The following EDIL3 variants were observed in gnomAD, a reference collection of about 807,000 sequenced individuals.
The protein encoded by EDIL3 is EGF-like repeat and discoidin I-like domain-containing protein 3.
Under a neutral mutation model 67.4 loss-of-function variants are expected in EDIL3, and 37 were observed. The ratio of observed to expected loss-of-function variants is 0.55; its 90% confidence interval spans 0.42 to 0.72. The LOEUF (loss-of-function observed/expected upper bound fraction) is 0.72. EDIL3 is among the 30% of genes least tolerant of loss of function. The pLI is 0.00. For missense variants in EDIL3, 527 were observed against 586.3 expected (o/e 0.90, Z 1.04); for synonymous variants, 195 against 196.3 (o/e 0.99, Z 0.05).
chr5:84,326,762 C>T (rs1263602091), intron 1 of EDIL3, among the ~76,000 whole-genome samples: 1 of 151,928 alleles, frequency 6.6e-6, no homozygotes, highest in African/African-American at 2.4e-5. Context: ...TTTCTATACA[C>T]TATTTCAGCT....
chr5:83,979,778 A>C (rs1312458220), intron 9 of EDIL3, among the ~76,000 whole-genome samples: 1 of 152,068 alleles, frequency 6.6e-6, no homozygotes, highest in Admixed American at 6.6e-5. Flanking sequence ...CCTGGAATGA[A>C]GGCTAGGGTG....
chr5:84,124,973 A>G (rs1747840773), intron 5 of EDIL3, among the ~76,000 whole-genome samples: 1 of 152,022 alleles, frequency 6.6e-6, no homozygotes, highest in Non-Finnish European at 1.5e-5. Context: ...CAATCCCTTG[A>G]ACTACTTATT....
intron 6 of EDIL3, among the ~76,000 whole-genome samples, chr5:84,075,461 G>GCTTCTT (rs760523965): frequency 2.6e-5 from 4 of 151,918 alleles, no homozygotes; most frequent in Admixed American, 2.6e-4. Context: ...TTTGACAGGG[G>GCTTCTT]CTTCTTCTTC....
chr5:84,017,663 G>A (rs1745631438), intron 9 of EDIL3, among the ~76,000 whole-genome samples: 1 of 152,138 alleles, frequency 6.6e-6, no homozygotes, highest in South Asian at 2.1e-4. Context: ...AATGTATAAT[G>A]AAACATGACT....
intron 3 of EDIL3, among the ~76,000 whole-genome samples, chr5:84,227,656 A>G (rs1744481443): frequency 6.6e-6 from 1 of 152,188 alleles, no homozygotes; most frequent in Admixed American, 6.6e-5. Flanking sequence ...TATTCACAAT[A>G]GCAAAAACAT....
At chr5:84,333,279 A>G (rs543332206) in intron 1 of EDIL3, among the ~76,000 whole-genome samples, 20 of 152,278 alleles carry the variant, frequency 1.3e-4, no homozygotes, top group African/African-American at 4.6e-4. Context: ...AGAACATTGA[A>G]CTTTGTATAT....
intron 10 of EDIL3, 134 bp from the exon 11 acceptor site, chr5:83,943,702 T>C: frequency 1.1e-6 from 1 of 938,840 alleles, no homozygotes; most frequent in South Asian, 2.1e-5. Flanking sequence ...CAAAATATAT[T>C]GCAGCTTCTT....
chr5:84,214,699 A>G (rs555964270), intron 3 of EDIL3, among the ~76,000 whole-genome samples: 2 of 151,678 alleles, frequency 1.3e-5, no homozygotes, highest in South Asian at 2.1e-4. Context: ...GTATCATCCT[A>G]TAAGGAAGAA....
intron 9 of EDIL3, among the ~76,000 whole-genome samples, chr5:84,047,324 T>G (rs32612): frequency 3.9e-4 from 59 of 152,256 alleles, no homozygotes; most frequent in Middle Eastern, 6.8e-3. Context: ...TACTTCCTTG[T>G]CTTATGGAAG....
intron 9 of EDIL3, among the ~76,000 whole-genome samples, chr5:84,022,554 A>G (rs141700157): frequency 1.3e-5 from 2 of 152,140 alleles, no homozygotes; most frequent in African/African-American, 4.8e-5. Flanking sequence ...ATGGAATACT[A>G]TTTGATCATA....
At chr5:84,306,613 TGA>T (rs536551255) in intron 1 of EDIL3, among the ~76,000 whole-genome samples, 39 of 152,350 alleles carry the variant, frequency 2.6e-4, no homozygotes, top group African/African-American at 9.4e-4. Flanking sequence ...TACTAAATCA[TGA>T]GTCAAGTTTC....
chr5:84,073,048 G>GCTT (rs1012384082), intron 6 of EDIL3, among the ~76,000 whole-genome samples: 1 of 152,072 alleles, frequency 6.6e-6, no homozygotes, highest in Non-Finnish European at 1.5e-5. Flanking sequence ...GACAGGGGCT[G>GCTT]CTTCTTCTTC....
intron 3 of EDIL3, among the ~76,000 whole-genome samples, chr5:84,213,150 ATCAC>A (rs1472084563): frequency 2.0e-5 from 3 of 151,856 alleles, no homozygotes; most frequent in Non-Finnish European, 2.9e-5. Flanking sequence ...ACTGGTGATT[ATCAC>A]TCTGTAGGAA....
At chr5:84,054,542 T>C (rs1057452002) in intron 9 of EDIL3, among the ~76,000 whole-genome samples, 56 of 152,268 alleles carry the variant, frequency 3.7e-4, no homozygotes, top group Admixed American at 3.7e-3. Flanking sequence ...GATGACATGA[T>C]TGTATATCTA....
intron 6 of EDIL3, among the ~76,000 whole-genome samples, chr5:84,100,920 A>G (rs1006762955): frequency 1.3e-5 from 2 of 152,092 alleles, no homozygotes; most frequent in Non-Finnish European, 2.9e-5. Context: ...AAAATTATAG[A>G]ACATGAGAAC....
At chr5:84,241,019 A>G (rs1355237941) in intron 2 of EDIL3, among the ~76,000 whole-genome samples, 1 of 152,206 alleles carries the variant, frequency 6.6e-6, no homozygotes, top group Non-Finnish European at 1.5e-5. Context: ...ATCTCAGCTC[A>G]TCTCACAAAA....
intron 5 of EDIL3, among the ~76,000 whole-genome samples, chr5:84,113,256 T>C (rs1180891989): frequency 6.6e-6 from 1 of 152,186 alleles, no homozygotes; most frequent in African/African-American, 2.4e-5. Flanking sequence ...ATCCTTGGTA[T>C]TGTGCTTGCT....
At chr5:84,159,736 T>A (rs1215797104) in intron 4 of EDIL3, among the ~76,000 whole-genome samples, 1 of 152,026 alleles carries the variant, frequency 6.6e-6, no homozygotes, top group African/African-American at 2.4e-5. Context: ...TAAAGCATGT[T>A]CCCAATTGCA....
At chr5:84,081,835 G>A (rs540480376) in intron 6 of EDIL3, among the ~76,000 whole-genome samples, 4 of 151,066 alleles carry the variant, frequency 2.6e-5, no homozygotes, top group Non-Finnish European at 4.4e-5. Context: ...AGAGAGATGG[G>A]GAGGTGCATT....
Sources: allele counts gnomAD v4.1 joint callset (sites outside exome capture counted in the v4.1 genomes callset), GRCh38; gene constraint gnomAD v4.1.1; transcripts MANE v1.5; gene names NCBI Gene and HGNC (gene_info 2026-07-23, HGNC 2026-07-21).